The following ZC3H12C variants were observed in gnomAD, a reference collection of about 807,000 sequenced individuals.
ZC3H12C encodes probable ribonuclease ZC3H12C.
A neutral mutation model predicts 76.3 loss-of-function variants in ZC3H12C; 20 were observed. The ratio of observed to expected loss-of-function variants is 0.26; its 90% CI spans 0.18 to 0.38. The LOEUF is 0.38. ZC3H12C is among the 10% of genes least tolerant of loss of function. The pLI is 1.00. For synonymous variants in ZC3H12C, 352 were observed against 399.6 expected (o/e 0.88, Z 1.42); for missense variants, 874 against 1,086.5 (o/e 0.80, Z 2.75).
intron 1 of ZC3H12C, chr11:110,131,022 C>G: frequency 6.5e-7 from 1 of 1,535,560 alleles, no homozygotes; most frequent in Non-Finnish European, 8.7e-7. Flanking sequence ...TCTTGCCTGC[C>G]TGGAAGTCTG....
At position 110,144,780 on chromosome 11, in the gene ZC3H12C, C is replaced by G. The variant is rs116649207; in HGVS notation, c.773+7366C>G. Among the ~76,000 whole-genome samples the G allele has an allele frequency of 8.5e-3, 1,287 of 152,154 alleles. 14 individuals carry two copies. The highest frequency in any genetic ancestry group is 0.028 in the African/African-American group (1,160 of 41,530). ...AGAGGTTCCTTTGTTCTTTTCTTCA[C>G]TGCCATATAAAGTATTAAAAAGAGG... On this transcript the variant is annotated intron_variant, in intron 2 of 5. Coordinates refer to ENST00000278590, the MANE Select transcript of ZC3H12C (RefSeq NM_033390.2).
At chr11:110,161,589 A>G (rs906014797) in intron 4 of ZC3H12C, among the ~76,000 whole-genome samples, 1 of 152,240 alleles carries the variant, frequency 6.6e-6, no homozygotes, top group Admixed American at 6.5e-5. Context: ...GCCTTATGCT[A>G]TTAAAGAGGC....
rs147814368 is a variant in ZC3H12C at position 110,112,289 on chromosome 11, C to G, written c.21+18857C>G. Among the ~76,000 whole-genome samples, 267 of 152,260 alleles carry G rather than the reference C, an allele frequency of 1.8e-3. 2 individuals carry two copies. The highest frequency in any genetic ancestry group is 8.5e-3 in the South Asian group (41 of 4,820). ...TCTTGGCTCACTGCAGCCTTGACTT[C>G]CCGGGCTCAAGCAATCTTCCCACCT... On this transcript the variant is annotated intron_variant, in intron 1 of 5. Transcript: ENST00000278590.
intron 1 of ZC3H12C, among the ~76,000 whole-genome samples, chr11:110,126,168 TACAATTTCTTTTAGGATTTGAATAGGAAA>T (rs1366301997): frequency 6.6e-6 from 1 of 151,908 alleles, no homozygotes; most frequent in Non-Finnish European, 1.5e-5. Context: ...TGAGTTCTGA[TACAATTTCTTTTAGGATTTGAATAGGAAA>T]AGTAGTTGTT....
chr11:110,136,218 C>T (rs1366295970), intron 1 of ZC3H12C: 1 of 153,118 alleles, frequency 6.5e-6, no homozygotes, highest in Non-Finnish European at 1.5e-5. Flanking sequence ...TTTATAGATA[C>T]TTATGAATTC....
chr11:110,151,986 C>T (rs1862279957), intron 2 of ZC3H12C, among the ~76,000 whole-genome samples: 1 of 152,044 alleles, frequency 6.6e-6, no homozygotes, highest in African/African-American at 2.4e-5. Context: ...AAGCATTTAC[C>T]TTCAATATTT....
intron 4 of ZC3H12C, among the ~76,000 whole-genome samples, chr11:110,160,781 A>G (rs1170377902): frequency 1.3e-5 from 2 of 152,248 alleles, no homozygotes; most frequent in Non-Finnish European, 2.9e-5. Context: ...AAAAACAAAA[A>G]GTATAATATA....
rs2134176944 is a variant in ZC3H12C, at chr11:110,136,956, C to T, written c.315C>T (p.Ser105=). Residue 105 remains serine, a synonymous_variant, in exon 2 of 6, where the codon AGC becomes AGT. Transcript: ENST00000278590. Reference sequence around the variant, plus strand: ...ATCATGAGTCAGAACAATTGGGTAGCATTTCAGTAGAGCCAGGCTTGATAA... The same window carrying T: ...ATCATGAGTCAGAACAATTGGGTAGTATTTCAGTAGAGCCAGGCTTGATAA... The part of the protein sequence containing the change: ...NSDHESEQLG[S]ISVEPGLITK... 1.2e-6 allele frequency: 2 copies of T among 1,613,714 alleles called. No homozygotes were observed. Among genetic ancestry groups the T allele is most frequent in the Non-Finnish European group, 1.7e-6 (2 of 1,179,804 alleles).
chr11:110,163,418 A>C lies in ZC3H12C; in HGVS notation c.1255+39A>C, dbSNP rs1262887517. The stretch of plus-strand genomic sequence containing the variant: ...TGAATATTGGGTATATGCCTTTAGA[A>C]CACAATATATTATTAAACTTTTGTT... On this transcript the variant is annotated intron_variant, in intron 5 of 5. Coordinates refer to ENST00000278590, the MANE Select transcript of ZC3H12C (RefSeq NM_033390.2). 5 of 1,507,508 alleles carry C rather than the reference A, an allele frequency of 3.3e-6. No homozygotes were observed. The African/African-American group carries it at 7.0e-5, about 21-fold the overall frequency. The allele number at this position is 1,507,508 out of a possible 1,614,324, so 93.4% of individuals were successfully genotyped here.
chr11:110,111,892 C>T (rs1252415091), intron 1 of ZC3H12C, among the ~76,000 whole-genome samples: 1 of 151,892 alleles, frequency 6.6e-6, no homozygotes, highest in East Asian at 1.9e-4. Context: ...GTTTTTTCCA[C>T]AAATGAGAAA....
At chr11:110,117,875 C>A (rs1861569631) in intron 1 of ZC3H12C, among the ~76,000 whole-genome samples, 1 of 74,510 alleles carries the variant, frequency 1.3e-5, no homozygotes, top group South Asian at 3.8e-4. Context: ...TATATACACA[C>A]ACATATATAT....
chr11:110,126,926 A>T (rs117127117), intron 1 of ZC3H12C, among the ~76,000 whole-genome samples: 1 of 152,342 alleles, frequency 6.6e-6, no homozygotes, highest in Non-Finnish European at 1.5e-5. Flanking sequence ...TATTTTAAAC[A>T]TATGATCTTG....
intron 1 of ZC3H12C, chr11:110,131,475 A>T: frequency 4.4e-6 from 1 of 224,762 alleles, no homozygotes; most frequent in Non-Finnish European, 8.7e-6. Context: ...TCACTGTCGT[A>T]CCCAGGTGCT....
chr11:110,132,807 T>C (rs549064187), intron 1 of ZC3H12C, among the ~76,000 whole-genome samples: 1 of 152,306 alleles, frequency 6.6e-6, no homozygotes, highest in East Asian at 1.9e-4. Context: ...TTAAGATGGT[T>C]TATATGAGTT....
intron 2 of ZC3H12C, among the ~76,000 whole-genome samples, chr11:110,147,619 TA>T (rs58411498): frequency 0.31 from 44,373 of 145,374 alleles, 6,859 homozygotes; most frequent in Admixed American, 0.43. Flanking sequence ...AAAGTAAAAT[TA>T]AAAAAAAAAA....
At chr11:110,157,362 T>G (rs1862397486) in intron 3 of ZC3H12C, among the ~76,000 whole-genome samples, 1 of 151,848 alleles carries the variant, frequency 6.6e-6, no homozygotes, top group East Asian at 1.9e-4. Flanking sequence ...TCAACAAGAT[T>G]GTGATTGTCT....
chr11:110,122,131 A>G (rs2134163673), intron 1 of ZC3H12C, among the ~76,000 whole-genome samples: 1 of 152,334 alleles, frequency 6.6e-6, no homozygotes, highest in South Asian at 2.1e-4. Flanking sequence ...CAGCCTAAAG[A>G]TATGATTGTG....
intron 5 of ZC3H12C, among the ~76,000 whole-genome samples, chr11:110,163,621 A>G (rs919373661): frequency 1.3e-5 from 2 of 152,226 alleles, no homozygotes; most frequent in Non-Finnish European, 2.9e-5. Context: ...TTCTACGTGA[A>G]GTTAGTTTTG....
chr11:110,140,437 C>T (rs1268529015), intron 2 of ZC3H12C, among the ~76,000 whole-genome samples: 3 of 152,168 alleles, frequency 2.0e-5, no homozygotes, highest in Non-Finnish European at 4.4e-5. Context: ...AACTAAATCT[C>T]CATATCCCAT....
Sources: gnomAD v4.1 joint callset for allele counts (sites outside exome capture counted in the v4.1 genomes callset) on GRCh38, gnomAD v4.1.1 for gene constraint, MANE v1.5 for transcripts, NCBI Gene and HGNC (gene_info 2026-07-23, HGNC 2026-07-21) for gene names.